Variants in FILIP1 observed in about 807,000 individuals in gnomAD.
FILIP1 encodes filamin-A-interacting protein 1.
A neutral mutation model predicts 102.1 loss-of-function variants in FILIP1; 61 were observed. The ratio of observed to expected loss-of-function variants is 0.60; its 90% CI spans 0.49 to 0.74. FILIP1 has a LOEUF of 0.74. Among genes scored for constraint, FILIP1 ranks in the 30% least tolerant of loss-of-function variants. The pLI, the probability that FILIP1 is intolerant of heterozygous loss-of-function variation, is 0.00. For missense variants in FILIP1, 1,314 were observed against 1,441.2 expected (o/e 0.91, Z 1.43); for synonymous variants, 491 against 526.9 (o/e 0.93, Z 0.93).
chr6:75,336,052 C>T (rs1449191916), intron 4 of FILIP1, among the ~76,000 whole-genome samples: 3 of 152,154 alleles, frequency 2.0e-5, no homozygotes, highest in African/African-American at 7.2e-5. Flanking sequence ...GGTAAAATTA[C>T]AGATACTAAC....
intron 2 of FILIP1, among the ~76,000 whole-genome samples, chr6:75,413,597 G>A (rs564518410): frequency 3.9e-5 from 6 of 152,100 alleles, no homozygotes; most frequent in Middle Eastern, 3.4e-3. Flanking sequence ...GTTTAGAGTA[G>A]GTTGCCAATT....
At chr6:75,324,225 T>A (rs1181089994) in intron 4 of FILIP1, among the ~76,000 whole-genome samples, 1 of 151,066 alleles carries the variant, frequency 6.6e-6, no homozygotes, top group Non-Finnish European at 1.5e-5. Flanking sequence ...TATACACAAA[T>A]CAGTAGCACT....
chr6:75,369,208 G>A (rs1028842564), intron 2 of FILIP1, among the ~76,000 whole-genome samples: 1 of 152,270 alleles, frequency 6.6e-6, no homozygotes, highest in Admixed American at 6.5e-5. Context: ...GCCTAAATGA[G>A]GAGGATCCCT....
chr6:75,450,644 T>C (rs1270508091), intron 1 of FILIP1, among the ~76,000 whole-genome samples: 2 of 135,842 alleles, frequency 1.5e-5, no homozygotes, highest in Non-Finnish European at 3.1e-5. Context: ...AACTTCTCTC[T>C]TAAAAAAGAA....
At chr6:75,447,734 A>G (rs1048519650) in intron 1 of FILIP1, among the ~76,000 whole-genome samples, 1 of 152,162 alleles carries the variant, frequency 6.6e-6, no homozygotes, top group Non-Finnish European at 1.5e-5. Context: ...ACTGTGGCTC[A>G]AGACCTTTTC....
chr6:75,417,211 A>AT (rs1562570832), intron 1 of FILIP1, among the ~76,000 whole-genome samples: 1 of 152,042 alleles, frequency 6.6e-6, no homozygotes, highest in African/African-American at 2.4e-5. Context: ...CTTAACAAAT[A>AT]TTTTTCTTTT....
chr6:75,345,419 G>A (rs913384122), intron 4 of FILIP1, among the ~76,000 whole-genome samples: 10 of 151,540 alleles, frequency 6.6e-5, no homozygotes, highest in Non-Finnish European at 1.0e-4. Flanking sequence ...ACAAGCAAGC[G>A]GGAAGCTCGC....
intron 1 of FILIP1, among the ~76,000 whole-genome samples, chr6:75,490,125 T>C (rs1779913865): frequency 6.6e-6 from 1 of 152,116 alleles, no homozygotes; most frequent in African/African-American, 2.4e-5. Context: ...ATTTAGACTG[T>C]GTAAACCCCA....
Position 75,308,426 on chromosome 6 carries a change from G to A in FILIP1, c.*265C>T, listed in dbSNP as rs986778338. ...GGAAACAGGCTCAGATGGGTCTATT[G>A]ATGGGTCCACTTGCTAGAAGCAAAA... is the stretch of plus-strand genomic sequence containing the variant. On this transcript the variant is annotated 3_prime_UTR_variant, in exon 6 of 6. Transcript: ENST00000237172. 1 of 1,247,592 alleles carries A rather than the reference G, an allele frequency of 8.0e-7. No homozygotes were observed. The highest frequency in any genetic ancestry group is 1.5e-5 in the African/African-American group (1 of 65,436). The allele number at this position is 1,247,592 out of a possible 1,614,324, so 77.3% of individuals were successfully genotyped here. A position where few individuals can be genotyped will look rare whatever the true frequency, so the allele number is the denominator to read the frequency against.
chr6:75,321,726 G>A (rs946381675), intron 4 of FILIP1, among the ~76,000 whole-genome samples: 1 of 152,176 alleles, frequency 6.6e-6, no homozygotes, highest in South Asian at 2.1e-4. Flanking sequence ...CCCGGGAAGC[G>A]GAGCTTGCAG....
intron 2 of FILIP1, among the ~76,000 whole-genome samples, chr6:75,392,661 C>T (rs771318125): frequency 2.0e-5 from 3 of 152,086 alleles, no homozygotes; most frequent in East Asian, 1.9e-4. Flanking sequence ...ACTGTTATTG[C>T]CTGATATGGT....
chr6:75,368,707 T>G (rs559288438), intron 2 of FILIP1, among the ~76,000 whole-genome samples: 8 of 152,238 alleles, frequency 5.3e-5, no homozygotes, highest in Admixed American at 2.6e-4. Context: ...CAGGCAAGAC[T>G]ATACAAAGGC....
intron 1 of FILIP1, among the ~76,000 whole-genome samples, chr6:75,471,180 A>G (rs1322444734): frequency 9.3e-5 from 14 of 151,096 alleles, no homozygotes; most frequent in South Asian, 2.1e-4. Context: ...AAAAAAAAAA[A>G]AAAGAAAATA....
At chr6:75,321,623 T>C (rs1468896135) in intron 4 of FILIP1, among the ~76,000 whole-genome samples, 6 of 151,956 alleles carry the variant, frequency 3.9e-5, no homozygotes, top group Non-Finnish European at 8.8e-5. Flanking sequence ...TGAAACCCCG[T>C]CTCTACTAAA....
At chr6:75,340,669 A>G (rs1386266356) in intron 4 of FILIP1, among the ~76,000 whole-genome samples, 1 of 151,718 alleles carries the variant, frequency 6.6e-6, no homozygotes, top group Admixed American at 6.6e-5. Flanking sequence ...TTGGTTTCAA[A>G]ATTTGACTAT....
chr6:75,372,611 G>GAAAGAAAGAA (rs1171573869), intron 2 of FILIP1, among the ~76,000 whole-genome samples: 12 of 101,946 alleles, frequency 1.2e-4, no homozygotes, highest in African/African-American at 4.3e-4. Context: ...AGAAAAGAAA[G>GAAAGAAAGAA]AAAGAAAGAA....
At chr6:75,410,762 T>G (rs556945483) in intron 2 of FILIP1, among the ~76,000 whole-genome samples, 2 of 152,212 alleles carry the variant, frequency 1.3e-5, no homozygotes, top group African/African-American at 2.4e-5. Flanking sequence ...TATTCCATGG[T>G]GTATATGTGC....
intron 4 of FILIP1, among the ~76,000 whole-genome samples, chr6:75,351,210 C>T (rs746203589): frequency 3.9e-4 from 59 of 152,232 alleles, no homozygotes; most frequent in Middle Eastern, 6.8e-3. Context: ...ATTACAGGTG[C>T]ACACCACCAT....
intron 1 of FILIP1, among the ~76,000 whole-genome samples, chr6:75,493,074 T>C (rs879566442): frequency 6.6e-6 from 1 of 152,256 alleles, no homozygotes; most frequent in Non-Finnish European, 1.5e-5. Context: ...ATCCTTTTCA[T>C]TGCTTAGCCA....
Sources: gnomAD v4.1 joint callset for allele counts (sites outside exome capture counted in the v4.1 genomes callset) on GRCh38, gnomAD v4.1.1 for gene constraint, MANE v1.5 for transcripts, NCBI Gene and HGNC (gene_info 2026-07-23, HGNC 2026-07-21) for gene names.